The following OPA1 variants were observed in gnomAD, a reference collection of about 807,000 sequenced individuals.
OPA1 encodes OPA1 mitochondrial dynamin like GTPase, also known as dynamin-like GTPase OPA1, mitochondrial.
OPA1 carries 59 observed loss-of-function variants against 152.9 expected under a neutral mutation model. The observed-to-expected ratio is 0.39, with a 90% CI of 0.31 to 0.48. The LOEUF is 0.48. Among genes scored for constraint, OPA1 ranks in the 20% least tolerant of loss-of-function variants. OPA1 has a pLI of 0.96. For missense variants in OPA1, 1,008 were observed against 1,216.8 expected (o/e 0.83, Z 2.55); for synonymous variants, 400 against 389.9 (o/e 1.03, Z -0.31).
In OPA1 at chr3:193,648,150, T is replaced by G. The variant is rs9831772; in HGVS notation, c.1935+16T>G. On this transcript the variant is annotated intron_variant, in intron 20 of 30. Transcript: ENST00000361510. ...ACTTGACCGGGTAATATTTGGATAC[T>G]CGTGTATTTTGTATATATCTTAATT... is the stretch of plus-strand genomic sequence containing the variant. The G allele has an allele frequency of 0.079, 123,704 of 1,569,684 alleles. 5,293 individuals are homozygous for G. The highest frequency in any genetic ancestry group is 0.14 in the Admixed American group (8,203 of 59,908).
chr3:193,615,763 C>A lies in OPA1; in HGVS notation c.441C>A (p.Ile147=), dbSNP rs750416208. The A allele has an allele frequency of 3.1e-6, 5 of 1,599,236 alleles. No homozygotes were observed. The highest frequency in any genetic ancestry group is 2.2e-5 in the South Asian group (2 of 90,786). The part of the protein sequence containing the change: ...PDIVWEIDEY[I]DFEKIRKALP... ...TTGTGTGGGAAATTGATGAGTATATCGATTTTGGTTTGTATCATGAACATT... is the reference window on the plus strand; with the variant it reads ...TTGTGTGGGAAATTGATGAGTATATAGATTTTGGTTTGTATCATGAACATT... The change falls in exon 3 of 31, where the codon ATC becomes ATA. Residue 147 remains isoleucine, a synonymous_variant. Transcript: ENST00000361510.
intron 7 of OPA1, among the ~76,000 whole-genome samples, chr3:193,629,202 C>T (rs1276850451): frequency 1.3e-4 from 20 of 151,900 alleles, no homozygotes; most frequent in Non-Finnish European, 8.8e-5. Context: ...CATGAGCCAC[C>T]GCACCTGGCC....
At chr3:193,688,444 CTTTTCTTTTTTTTTTTTTTTT>C (rs1721223542) in intron 29 of OPA1, among the ~76,000 whole-genome samples, 8 of 38,542 alleles carry the variant, frequency 2.1e-4, no homozygotes, top group African/African-American at 4.9e-4. Flanking sequence ...TGAAATGGGT[CTTTTCTTTTTTTTTTTTTTTT>C]TTTTTTTTTT....
chr3:193,677,091 A>G (rs913227380), intron 29 of OPA1, among the ~76,000 whole-genome samples: 29 of 151,908 alleles, frequency 1.9e-4, no homozygotes, highest in African/African-American at 7.0e-4. Context: ...CTGGTAATCA[A>G]CACTTTACTA....
At chr3:193,634,282 C>A (rs79578949) in intron 8 of OPA1, among the ~76,000 whole-genome samples, 14 of 148,646 alleles carry the variant, frequency 9.4e-5, no homozygotes, top group African/African-American at 9.8e-5. Context: ...CAACTACTTA[C>A]AAAAAAAAAA....
In OPA1 at chr3:193,658,891, T is replaced by C; in HGVS notation, c.2336T>C (p.Val779Ala). The C allele has an allele frequency of 1.2e-6, 2 of 1,610,658 alleles. No individual in the cohort carries two copies. The highest frequency in any genetic ancestry group is 1.7e-6 in the Non-Finnish European group (2 of 1,176,962). Residue 779 changes from valine to alanine, a missense_variant, in exon 24 of 31, where the codon GTT (valine) becomes GCT (alanine). Around this residue, in one of 7 missense-constraint regions of OPA1, gnomAD observed 229 missense variants for 269.0 expected, o/e 0.85. Coordinates refer to ENST00000361510, the MANE Select transcript of OPA1 (RefSeq NM_130837.3). Reference sequence around the variant, plus strand: ...TTCTCTTCTTGTTATTTTCAGAGGGTTATTCAACACAATGCTTTGGAAGAC... The same window carrying C: ...TTCTCTTCTTGTTATTTTCAGAGGGCTATTCAACACAATGCTTTGGAAGAC... ...WNDFAEDSLR[V>A]IQHNALEDRS...
At chr3:193,676,657 C>A (rs1719031295) in intron 29 of OPA1, among the ~76,000 whole-genome samples, 1 of 152,148 alleles carries the variant, frequency 6.6e-6, no homozygotes, top group Non-Finnish European at 1.5e-5. Context: ...GAATGAAGTA[C>A]ATTTTTCATG....
At chr3:193,617,373 A>T (rs538421009) in intron 4 of OPA1, 88 bp downstream of exon 4, 27 of 782,736 alleles carry the variant, frequency 3.4e-5, no homozygotes, top group South Asian at 2.9e-4. Context: ...CCATTTTTTT[A>T]AAATTAAAAT....
At chr3:193,613,209 G>A (rs543629187) in intron 1 of OPA1, among the ~76,000 whole-genome samples, 1 of 152,300 alleles carries the variant, frequency 6.6e-6, no homozygotes, top group African/African-American at 2.4e-5. Flanking sequence ...ACTGGGATTG[G>A]CCAACACTCA....
intron 16 of OPA1, 46 bp downstream of exon 16, chr3:193,644,151 T>G: frequency 5.6e-6 from 9 of 1,606,444 alleles, no homozygotes; most frequent in Non-Finnish European, 6.8e-6. Flanking sequence ...TTGTAAAAGC[T>G]CCAGCTGTGA....
Position 193,625,714 on chromosome 3 carries a change from A to G in OPA1, c.679-378A>G, listed in dbSNP as rs554771330. 9.9e-5 allele frequency among the ~76,000 whole-genome samples: 15 copies of G among 152,096 alleles called. No homozygotes were observed. In the South Asian group the frequency reaches 1.0e-3, roughly 11 times the overall value. ...AGTAAGTAAGCTATTATGATCTTCA[A>G]TCAGTCCTGAGAGAATCATGGTTGA... On this transcript the variant is annotated intron_variant, in intron 6 of 30. Transcript: ENST00000361510.
chr3:193,617,244 T>C lies in OPA1; in HGVS notation c.515T>C (p.Ile172Thr). ...LVKLAPDFDKIVESLSLLKDF... is the reference protein window; with the variant it reads ...LVKLAPDFDKTVESLSLLKDF... ...AAGTTAGCACCAGACTTTGACAAGA[T>C]TGTTGAAAGCCTTAGCTTATTGAAG... The change falls in exon 4 of 31, where the codon ATT becomes ACT. Residue 172 changes from isoleucine to threonine, a missense_variant. This residue lies in a region of OPA1 where 408 missense variants were observed against 395.1 expected (regional missense o/e 1.03). Coordinates refer to ENST00000361510, the MANE Select transcript of OPA1 (RefSeq NM_130837.3). The C allele has an allele frequency of 6.2e-7, 1 of 1,613,070 alleles. No homozygotes were observed. The highest frequency in any genetic ancestry group is 2.2e-5 in the East Asian group (1 of 44,816).
At chr3:193,630,662 A>C (rs1264115446) in intron 7 of OPA1, among the ~76,000 whole-genome samples, 1 of 152,208 alleles carries the variant, frequency 6.6e-6, no homozygotes, top group Non-Finnish European at 1.5e-5. Context: ...CTGTGAAATA[A>C]GTTCATATTT....
chr3:193,603,380 G>T (rs1225944295), intron 1 of OPA1: 3 of 152,236 alleles, frequency 2.0e-5, no homozygotes, highest in Admixed American at 6.5e-5. Context: ...TGCGTATCTT[G>T]ATGGTTCCAG....
intron 7 of OPA1, among the ~76,000 whole-genome samples, chr3:193,629,684 T>C (rs1731763168): frequency 6.6e-6 from 1 of 152,106 alleles, no homozygotes. Flanking sequence ...AAAGAAATTA[T>C]ATTTGTAATA....
At chr3:193,657,809 G>C (rs2109171223) in intron 23 of OPA1, among the ~76,000 whole-genome samples, 1 of 152,268 alleles carries the variant, frequency 6.6e-6, no homozygotes, top group South Asian at 2.1e-4. Context: ...TTGTTATGTA[G>C]ACTGCTCTCA....
At chr3:193,619,288 G>A (rs1165265428) in intron 6 of OPA1, among the ~76,000 whole-genome samples, 1 of 152,130 alleles carries the variant, frequency 6.6e-6, no homozygotes, top group Admixed American at 6.6e-5. Context: ...ATACTCATGC[G>A]CATTGTGAAT....
chr3:193,676,913 G>C (rs527749037), intron 29 of OPA1, among the ~76,000 whole-genome samples: 1 of 150,668 alleles, frequency 6.6e-6, no homozygotes, highest in African/African-American at 2.4e-5. Flanking sequence ...CCTGGGAGGC[G>C]GAGCTTGCGG....
intron 21 of OPA1, among the ~76,000 whole-genome samples, chr3:193,653,609 T>C (rs929642370): frequency 6.6e-5 from 10 of 152,228 alleles, no homozygotes; most frequent in African/African-American, 2.2e-4. Context: ...GGCAGAATTT[T>C]CAACATGATT....
Sources: gnomAD v4.1 joint callset for allele counts (sites outside exome capture counted in the v4.1 genomes callset) on GRCh38, gnomAD v4.1.1 for gene constraint, gnomAD v4.1.1 regional missense constraint, MANE v1.5 for transcripts, NCBI Gene and HGNC (gene_info 2026-07-23, HGNC 2026-07-21) for gene names.